SAP130: variants seen among roughly 807,000 people sequenced by gnomAD.
SAP130 encodes the protein histone deacetylase complex subunit SAP130.
A neutral mutation model predicts 103.2 loss-of-function variants in SAP130; 16 were observed. That is an observed-to-expected ratio of 0.16 (90% CI 0.10 to 0.24). SAP130 has a LOEUF of 0.24. Ranked by LOEUF, SAP130 falls within the 10% of genes least tolerant of loss-of-function variation. SAP130 has a pLI of 1.00. For synonymous variants in SAP130, 477 were observed against 497.0 expected, an observed-to-expected ratio of 0.96 and a Z score of 0.53; for missense variants, 990 against 1,359.7, an observed-to-expected ratio of 0.73 and a Z score of 4.28.
At chr2:127,943,037 C>T (rs562097330) in intron 19 of SAP130, among the ~76,000 whole-genome samples, 1 of 152,136 alleles carries the variant, frequency 6.6e-6, no homozygotes, top group South Asian at 2.1e-4. Flanking sequence ...GTAAAGGAAA[C>T]TGATCAACAA....
At chr2:127,945,371 C>T (rs1358910779) in intron 19 of SAP130, 85 bp downstream of exon 19, 2 of 811,862 alleles carry the variant, frequency 2.5e-6, no homozygotes, top group Non-Finnish European at 4.2e-6. Flanking sequence ...TTCAGAGTTA[C>T]TTTTAAAAAG....
At chr2:127,950,837 T>G (rs1200253931) in intron 16 of SAP130, among the ~76,000 whole-genome samples, 1 of 152,120 alleles carries the variant, frequency 6.6e-6, no homozygotes, top group Non-Finnish European at 1.5e-5. Flanking sequence ...TGTCCTGAAT[T>G]AAGAGCATGA....
At chr2:128,001,947 A>G (rs1683591790) in intron 7 of SAP130, among the ~76,000 whole-genome samples, 1 of 148,036 alleles carries the variant, frequency 6.8e-6, no homozygotes. Context: ...TTTTTTTTTG[A>G]GATGGAGTCT....
Position 127,953,883 on chromosome 2 carries a change from C to T in SAP130, c.2422+1103G>A, listed in dbSNP as rs1438635485. On this transcript the variant is annotated intron_variant, in intron 16 of 20. Transcript: ENST00000643581. This position sits in a 1 kb window ranked among gnomAD's most constrained non-coding sequence, Gnocchi z 4.0. ...AACTTATCACCCAAACATATATATA[C>T]ATACATACATACATATATAATTTAG... is the stretch of plus-strand genomic sequence containing the variant. Among the ~76,000 whole-genome samples, 2 of 152,078 alleles carry T rather than the reference C, an allele frequency of 1.3e-5. No individual in the cohort carries two copies. Among genetic ancestry groups the T allele is most frequent in the African/African-American group, 4.8e-5 (2 of 41,410 alleles).
chr2:127,983,450 C>CTGAAA (rs1682104205), intron 14 of SAP130, among the ~76,000 whole-genome samples: 1 of 152,158 alleles, frequency 6.6e-6, no homozygotes, highest in South Asian at 2.1e-4. Context: ...GGCAGTGAGG[C>CTGAAA]ATGACAAGGA....
At chr2:127,951,931 T>C (rs2461461) in intron 16 of SAP130, among the ~76,000 whole-genome samples, 142,910 of 152,238 alleles carry the variant, frequency 0.94, 67,484 homozygotes, top group East Asian at 1. Context: ...AAGAACATGT[T>C]CATCAAGTCC....
Position 127,941,830 on chromosome 2 carries a change from C to A in SAP130, c.*176G>T. ...ACGCAAGAAGGCAGCTCACTATGTC[C>A]AGTCAGCTCTGATCCTTTCACGCCC... On this transcript the variant is annotated 3_prime_UTR_variant, in exon 21 of 21. Coordinates refer to ENST00000643581, the MANE Select transcript of SAP130 (RefSeq NM_001330301.2). 1.6e-6 allele frequency: 1 copy of A among 610,582 alleles called. No homozygotes were observed. The highest frequency in any genetic ancestry group is 2.8e-6 in the Non-Finnish European group (1 of 355,878). The allele number at this position is 610,582 out of a possible 1,614,324, so 37.8% of individuals were successfully genotyped here. A position where few individuals can be genotyped will look rare whatever the true frequency, so the allele number is the denominator to read the frequency against.
rs368526814 is a variant in SAP130 at position 128,013,564 on chromosome 2, C to A, written c.620-410G>T. ...CCTTAACCTTAAACCTAACCCTGCA[C>A]TTTTCACCCTGCAGACCCCCATAAG... On this transcript the variant is annotated intron_variant, in intron 5 of 20. Coordinates refer to ENST00000643581, the MANE Select transcript of SAP130 (RefSeq NM_001330301.2). Among the ~76,000 whole-genome samples, 65 of 152,288 alleles carry A rather than the reference C, an allele frequency of 4.3e-4. 1 individual carries two copies. The highest frequency in any genetic ancestry group is 3.1e-3 in the South Asian group (15 of 4,830).
At chr2:127,995,479 C>T (rs1683112527) in intron 11 of SAP130, among the ~76,000 whole-genome samples, 1 of 151,908 alleles carries the variant, frequency 6.6e-6, no homozygotes, top group African/African-American at 2.4e-5. Flanking sequence ...TCTACAAGGC[C>T]GAGCCGATTA....
At chr2:127,992,930 T>C (rs1299027468) in intron 12 of SAP130, among the ~76,000 whole-genome samples, 2 of 152,206 alleles carry the variant, frequency 1.3e-5, no homozygotes, top group Non-Finnish European at 2.9e-5. Flanking sequence ...ACTACTGTCA[T>C]TTTAAGGAGT....
intron 7 of SAP130, among the ~76,000 whole-genome samples, chr2:128,007,077 T>C (rs1053703554): frequency 1.3e-5 from 2 of 152,110 alleles, no homozygotes; most frequent in African/African-American, 4.8e-5. Context: ...ATCAACACAA[T>C]GGAAAAGATA....
intron 15 of SAP130, among the ~76,000 whole-genome samples, chr2:127,958,635 T>TGAGAGAGAGAGA (rs372337440): frequency 3.4e-4 from 44 of 127,706 alleles, no homozygotes; most frequent in Middle Eastern, 8.0e-3. Flanking sequence ...GTGAGACAGA[T>TGAGAGAGAGAGA]GAGAGAGAGA....
Position 127,989,985 on chromosome 2 carries a change from G to GA in SAP130, c.1478-120dup, listed in dbSNP as rs996036198. On this transcript the variant is annotated intron_variant, in intron 12 of 20. Coordinates refer to ENST00000643581, the MANE Select transcript of SAP130 (RefSeq NM_001330301.2). The surrounding 1 kb of genome is among the most constrained non-coding windows in gnomAD (Gnocchi z 4.6). ...TGTATAAGATCTAAATCCATGGTTT[G>GA]AAAAAAAATAAATAAATAAACATTG... is the stretch of plus-strand genomic sequence containing the variant. The GA allele has an allele frequency of 6.5e-5, 57 of 876,144 alleles. No individual in the cohort carries two copies. Among genetic ancestry groups the GA allele is most frequent in the Middle Eastern group, 3.3e-4 (1 of 2,988 alleles). The allele number at this position is 876,144 out of a possible 1,614,324, so 54.3% of individuals were successfully genotyped here.
intron 3 of SAP130, 38 bp downstream of exon 3, chr2:128,017,642 G>C (rs369499448): frequency 3.3e-6 from 5 of 1,531,128 alleles, no homozygotes; most frequent in Non-Finnish European, 4.5e-6. Flanking sequence ...CCAGTCTCGA[G>C]CTCTGGTTCA....
intron 19 of SAP130, among the ~76,000 whole-genome samples, chr2:127,944,777 T>C (rs1333620651): frequency 6.6e-6 from 1 of 151,744 alleles, no homozygotes; most frequent in Non-Finnish European, 1.5e-5. Context: ...ACACCTGCAG[T>C]CCCAGCTGTT....
In SAP130 at chr2:127,955,176, T is replaced by C. The variant is rs1270759792; in HGVS notation, c.2232A>G (p.Ser744=). 4 of 1,613,986 alleles carry C rather than the reference T, an allele frequency of 2.5e-6. No homozygotes were observed. Among genetic ancestry groups the C allele is most frequent in the Admixed American group, 3.3e-5 (2 of 59,980 alleles). ...TGGTTGAAAGGGCAACGGCTGGTTGTGACGGGGGACTGGCTGCTGCAATCA... is the reference window on the plus strand; with the variant it reads ...TGGTTGAAAGGGCAACGGCTGGTTGCGACGGGGGACTGGCTGCTGCAATCA... ...PTMIAAASPP[S]QPAVALSTIP... Residue 744 remains serine (S), a synonymous_variant, in exon 16 of 21, where the codon TCA becomes TCG. Coordinates refer to ENST00000643581, the MANE Select transcript of SAP130 (RefSeq NM_001330301.2). The surrounding 1 kb of genome is among the most constrained non-coding windows in gnomAD (Gnocchi z 4.9).
At chr2:127,957,023 G>A (rs909591079) in intron 15 of SAP130, among the ~76,000 whole-genome samples, 4 of 152,226 alleles carry the variant, frequency 2.6e-5, no homozygotes, top group African/African-American at 9.7e-5. Flanking sequence ...ATTGAGTTGG[G>A]CACAGTGGCT....
chr2:128,018,182 T>C (rs996464415), intron 2 of SAP130, among the ~76,000 whole-genome samples: 1 of 151,920 alleles, frequency 6.6e-6, no homozygotes, highest in African/African-American at 2.4e-5. Context: ...TGAGCTGAAA[T>C]AGTTAAAAGT....
At chr2:127,946,159 C>T (rs566973499) in intron 18 of SAP130, among the ~76,000 whole-genome samples, 95 of 152,256 alleles carry the variant, frequency 6.2e-4, no homozygotes, top group Non-Finnish European at 1.2e-3. Context: ...AAGAAGTGGG[C>T]TGTAAAACAG....
Sources: allele counts gnomAD v4.1 joint callset (sites outside exome capture counted in the v4.1 genomes callset), GRCh38; gene constraint gnomAD v4.1.1; non-coding constraint Gnocchi (gnomAD v3.1); transcripts MANE v1.5; gene names NCBI Gene and HGNC (gene_info 2026-07-23, HGNC 2026-07-21).